LGR5: variants seen among roughly 807,000 people sequenced by gnomAD.
LGR5 encodes the protein leucine rich repeat containing G protein-coupled receptor 5, also known as leucine-rich repeat-containing G protein-coupled receptor 5.
A neutral mutation model predicts 76.7 loss-of-function variants in LGR5; 54 were observed. That is an observed-to-expected ratio of 0.70 (90% CI 0.57 to 0.88). The LOEUF (loss-of-function observed/expected upper bound fraction) is 0.88. Ranked by LOEUF, LGR5 falls within the 40% of genes least tolerant of loss-of-function variation. The pLI is 0.00. For synonymous variants in LGR5, 406 were observed against 421.9 expected (o/e 0.96, Z 0.46); for missense variants, 1,078 against 1,073.3 (o/e 1.00, Z -0.06).
intron 1 of LGR5, among the ~76,000 whole-genome samples, chr12:71,476,922 A>G (rs1018653083): frequency 1.7e-4 from 26 of 152,242 alleles, no homozygotes; most frequent in African/African-American, 6.3e-4. Flanking sequence ...TAAGAAAAAT[A>G]TAGCCGATTA....
chr12:71,510,030 A>G (rs920669689), intron 2 of LGR5, among the ~76,000 whole-genome samples: 9 of 152,224 alleles, frequency 5.9e-5, no homozygotes, highest in African/African-American at 2.2e-4. Flanking sequence ...TAGCATCTGT[A>G]TAGCTGTCCT....
In LGR5 at chr12:71,584,574, A is replaced by G. The variant is rs901939592; in HGVS notation, c.2564A>G (p.Asp855Gly). 6.2e-7 allele frequency: 1 copy of G among 1,614,110 alleles called. No individual in the cohort carries two copies. The highest frequency in any genetic ancestry group is 8.5e-7 in the Non-Finnish European group (1 of 1,180,032). Residue 855 changes from aspartate (D) to glycine (G), a missense_variant, in exon 18 of 18, where the codon GAT becomes GGT. Coordinates refer to ENST00000266674, the MANE Select transcript of LGR5 (RefSeq NM_003667.4). Reference protein sequence around the residue: ...KHPSLMSINSDDVEKQSCDST... With the variant: ...KHPSLMSINSGDVEKQSCDST... ...CCAAGCTTGATGTCAATTAACTCTG[A>G]TGATGTCGAAAAACAGTCCTGTGAC...
At position 71,560,505 on chromosome 12, in the gene LGR5, C is replaced by T. The variant is rs892439262; in HGVS notation, c.785+851C>T. 3.0e-4 allele frequency among the ~76,000 whole-genome samples: 45 copies of T among 152,228 alleles called. 1 individual carries two copies. Among genetic ancestry groups the T allele is most frequent in the African/African-American group, 9.4e-4 (39 of 41,534 alleles). On this transcript the variant is annotated intron_variant, in intron 7 of 17. Transcript: ENST00000266674. The stretch of plus-strand genomic sequence containing the variant: ...AAGAAACCCCACATATAAGTGGAGC[C>T]ATGCAGGCCAGCTCAATGGGTCATG...
intron 1 of LGR5, among the ~76,000 whole-genome samples, chr12:71,476,704 G>A (rs1360439097): frequency 6.6e-6 from 1 of 152,178 alleles, no homozygotes; most frequent in Non-Finnish European, 1.5e-5. Flanking sequence ...TCTTGGCAGG[G>A]AGATGAGTCA....
intron 1 of LGR5, among the ~76,000 whole-genome samples, chr12:71,490,778 A>G (rs1874033483): frequency 6.6e-6 from 1 of 152,212 alleles, no homozygotes; most frequent in Admixed American, 6.5e-5. Context: ...TTGTAAACAA[A>G]CAATGTAAAA....
At chr12:71,497,349 GAAGGAAGA>G (rs1565693586) in intron 1 of LGR5, among the ~76,000 whole-genome samples, 1 of 110,730 alleles carries the variant, frequency 9.0e-6, no homozygotes, top group Non-Finnish European at 2.1e-5. Context: ...AAAGAGGAAG[GAAGGAAGA>G]AAGGAAGGAA....
At chr12:71,530,108 G>C (rs1039828261) in intron 3 of LGR5, among the ~76,000 whole-genome samples, 7 of 151,904 alleles carry the variant, frequency 4.6e-5, no homozygotes, top group African/African-American at 1.7e-4. Flanking sequence ...AATACATTTA[G>C]GGCACAACAA....
At chr12:71,443,040 A>G (rs1391172387) in intron 1 of LGR5, among the ~76,000 whole-genome samples, 1 of 152,184 alleles carries the variant, frequency 6.6e-6, no homozygotes, top group Non-Finnish European at 1.5e-5. Flanking sequence ...ACTATCTTTT[A>G]TTATTTGTAA....
chr12:71,479,485 C>T (rs1873488839), intron 1 of LGR5, among the ~76,000 whole-genome samples: 1 of 152,172 alleles, frequency 6.6e-6, no homozygotes, highest in Non-Finnish European at 1.5e-5. Flanking sequence ...GCCCTTATGG[C>T]ATTCAAGAAA....
chr12:71,584,503 G>A lies in LGR5; in HGVS notation c.2493G>A (p.Leu831=). Residue 831 remains leucine, a synonymous_variant, in exon 18 of 18, where the codon CTG becomes CTA. Coordinates refer to ENST00000266674, the MANE Select transcript of LGR5 (RefSeq NM_003667.4). ...TCAATCCTCACTTTAAGGAGGATCTGGTGAGCCTGAGAAAGCAAACCTACG... is the reference window on the plus strand; with the variant it reads ...TCAATCCTCACTTTAAGGAGGATCTAGTGAGCCTGAGAAAGCAAACCTACG... ...ILFNPHFKED[L]VSLRKQTYVW... 1 of 1,614,120 alleles carries A rather than the reference G, an allele frequency of 6.2e-7. No homozygotes were observed. Among genetic ancestry groups the A allele is most frequent in the Non-Finnish European group, 8.5e-7 (1 of 1,180,038 alleles).
chr12:71,447,379 A>T (rs1872047828), intron 1 of LGR5, among the ~76,000 whole-genome samples: 1 of 152,242 alleles, frequency 6.6e-6, no homozygotes, highest in African/African-American at 2.4e-5. Context: ...AACCTGATAT[A>T]CATTAATCAT....
At chr12:71,562,077 G>A (rs893251598) in intron 8 of LGR5, among the ~76,000 whole-genome samples, 1 of 152,080 alleles carries the variant, frequency 6.6e-6, no homozygotes, top group Non-Finnish European at 1.5e-5. Context: ...CTCCAGATGT[G>A]CTAGGTATCT....
At chr12:71,579,075 T>C (rs541951614) in intron 15 of LGR5, 146 bp downstream of exon 15, 21 of 653,778 alleles carry the variant, frequency 3.2e-5, no homozygotes, top group African/African-American at 3.2e-4. Flanking sequence ...TGGAGCATTG[T>C]TAGGACAAGC....
At chr12:71,557,971 A>G (rs1332870575) in intron 6 of LGR5, among the ~76,000 whole-genome samples, 2 of 151,598 alleles carry the variant, frequency 1.3e-5, no homozygotes. Flanking sequence ...TGATCAATTC[A>G]GCTTCTAACC....
intron 1 of LGR5, chr12:71,441,731 T>C (rs1871777507): frequency 6.6e-6 from 1 of 152,254 alleles, no homozygotes; most frequent in Non-Finnish European, 1.5e-5. Flanking sequence ...GACTGCTTTT[T>C]CTTTTTTACC....
At chr12:71,486,443 T>G (rs908423196) in intron 1 of LGR5, among the ~76,000 whole-genome samples, 3 of 152,054 alleles carry the variant, frequency 2.0e-5, no homozygotes, top group Non-Finnish European at 4.4e-5. Context: ...AAAATAAAAA[T>G]CAAAGGTTGA....
At chr12:71,536,915 TTA>T (rs1171842083) in intron 4 of LGR5, among the ~76,000 whole-genome samples, 1 of 152,162 alleles carries the variant, frequency 6.6e-6, no homozygotes, top group Non-Finnish European at 1.5e-5. Context: ...TTTTGAAACT[TTA>T]TAACTATGTG....
At chr12:71,508,062 C>CA (rs61662758) in intron 2 of LGR5, among the ~76,000 whole-genome samples, 13,383 of 114,836 alleles carry the variant, frequency 0.12, 653 homozygotes, top group Non-Finnish European at 0.14. Context: ...TACTAAAATA[C>CA]AAAAAAAAAA....
chr12:71,497,828 G>C (rs1032240913), intron 1 of LGR5, among the ~76,000 whole-genome samples: 14 of 152,140 alleles, frequency 9.2e-5, no homozygotes, highest in African/African-American at 3.4e-4. Flanking sequence ...ATTAAAGAAA[G>C]AGCATCAATT....
Sources: allele counts gnomAD v4.1 joint callset (sites outside exome capture counted in the v4.1 genomes callset), GRCh38; gene constraint gnomAD v4.1.1; transcripts MANE v1.5; gene names NCBI Gene and HGNC (gene_info 2026-07-23, HGNC 2026-07-21).